Variants in NRXN1 observed in about 807,000 individuals in gnomAD.
NRXN1 encodes the protein neurexin 1.
Under a neutral mutation model 150.9 loss-of-function variants are expected in NRXN1, and 39 were observed. That is an observed-to-expected ratio of 0.26 (90% CI 0.20 to 0.34). The LOEUF is 0.34. NRXN1 is among the 10% of genes least tolerant of loss of function. The pLI is 1.00. For synonymous variants in NRXN1, 924 were observed against 757.0 expected (o/e 1.22, Z -3.62); for missense variants, 1,815 against 1,949.9 (o/e 0.93, Z 1.30).
intron 8 of NRXN1, among the ~76,000 whole-genome samples, chr2:50,593,086 AT>A (rs1256510873): frequency 6.6e-6 from 1 of 152,216 alleles, no homozygotes; most frequent in Non-Finnish European, 1.5e-5. Context: ...ACAAAATGAA[AT>A]TCTCCCAGAT....
At chr2:50,172,533 T>A (rs2060095873) in intron 18 of NRXN1, among the ~76,000 whole-genome samples, 1 of 151,758 alleles carries the variant, frequency 6.6e-6, no homozygotes, top group African/African-American at 2.4e-5. Context: ...ACCCCACAAC[T>A]CCAAAAAAGA....
At chr2:50,743,694 A>T (rs1161629219) in intron 5 of NRXN1, among the ~76,000 whole-genome samples, 2 of 152,120 alleles carry the variant, frequency 1.3e-5, no homozygotes, top group Admixed American at 1.3e-4. Flanking sequence ...GATCTTTTAA[A>T]CCCTCACTAC....
chr2:50,734,899 T>A (rs1001660428), intron 5 of NRXN1, among the ~76,000 whole-genome samples: 1 of 152,122 alleles, frequency 6.6e-6, no homozygotes, highest in African/African-American at 2.4e-5. Flanking sequence ...TATCCAAATG[T>A]CAACGAACAA....
At chr2:50,852,307 A>T (rs1674634922) in intron 5 of NRXN1, among the ~76,000 whole-genome samples, 1 of 152,196 alleles carries the variant, frequency 6.6e-6, no homozygotes, top group African/African-American at 2.4e-5. Flanking sequence ...CAAAAAAGGC[A>T]AGAGGGAAAC....
intron 18 of NRXN1, among the ~76,000 whole-genome samples, chr2:50,206,883 T>TAC (rs367944282): frequency 0.025 from 3,773 of 149,598 alleles, 118 homozygotes; most frequent in African/African-American, 0.064. Context: ...AAATGGGCAG[T>TAC]ACACACACAC....
chr2:50,980,954 C>G (rs1696688161), intron 2 of NRXN1, among the ~76,000 whole-genome samples: 1 of 151,988 alleles, frequency 6.6e-6, no homozygotes, highest in Non-Finnish European at 1.5e-5. Context: ...ACAAATTGCC[C>G]TAAACACTTG....
chr2:50,415,357 T>G (rs1272567044), intron 17 of NRXN1, among the ~76,000 whole-genome samples: 2 of 152,148 alleles, frequency 1.3e-5, no homozygotes, highest in Non-Finnish European at 2.9e-5. Flanking sequence ...GGTGTATTTT[T>G]TTATGGCTCA....
chr2:50,308,246 A>G (rs2074826185), intron 17 of NRXN1, among the ~76,000 whole-genome samples: 1 of 152,100 alleles, frequency 6.6e-6, no homozygotes, highest in Admixed American at 6.6e-5. Flanking sequence ...ACTTTTACTA[A>G]TATCTCTCCA....
chr2:50,341,489 T>G (rs971927807), intron 17 of NRXN1, among the ~76,000 whole-genome samples: 8 of 152,338 alleles, frequency 5.3e-5, no homozygotes, highest in African/African-American at 1.9e-4. Context: ...GTATTTTCAT[T>G]TTATAAATGG....
At chr2:50,106,480 A>G (rs548705330) in intron 18 of NRXN1, among the ~76,000 whole-genome samples, 11 of 152,176 alleles carry the variant, frequency 7.2e-5, no homozygotes, top group South Asian at 2.1e-4. Flanking sequence ...GCAATTAGCA[A>G]TTAACAAGTA....
rs2074218340 is a variant in NRXN1 at position 50,302,207 on chromosome 2, T to A, written c.3365-65237A>T. 1.3e-5 allele frequency among the ~76,000 whole-genome samples: 2 copies of A among 152,184 alleles called. 1 individual carries two copies. The highest frequency in any genetic ancestry group is 4.1e-4 in the South Asian group (2 of 4,830). Reference sequence around the variant, plus strand: ...GGCCATCTCTTTGAGATTTTTTTCTTCTTTCCCCAAGTATCAAGGAATGAA... The same window carrying A: ...GGCCATCTCTTTGAGATTTTTTTCTACTTTCCCCAAGTATCAAGGAATGAA... On this transcript the variant is annotated intron_variant, in intron 17 of 22. Transcript: ENST00000401669.
At chr2:50,943,644 T>C (rs1689850557) in intron 2 of NRXN1, among the ~76,000 whole-genome samples, 1 of 152,180 alleles carries the variant, frequency 6.6e-6, no homozygotes, top group African/African-American at 2.4e-5. Context: ...CTTGTAGATC[T>C]TGATGAGAAG....
chr2:50,871,704 C>T (rs1236826848), intron 5 of NRXN1, among the ~76,000 whole-genome samples: 1 of 151,532 alleles, frequency 6.6e-6, no homozygotes, highest in Non-Finnish European at 1.5e-5. Context: ...CGAGGGGTCA[C>T]TAAAAGCATA....
chr2:50,502,911 T>A (rs2092022770), intron 13 of NRXN1, among the ~76,000 whole-genome samples: 1 of 152,080 alleles, frequency 6.6e-6, no homozygotes, highest in Non-Finnish European at 1.5e-5. Context: ...ACCACCCAAA[T>A]CTTGGTCTGT....
At chr2:50,398,440 G>T (rs182014859) in intron 17 of NRXN1, among the ~76,000 whole-genome samples, 1 of 151,932 alleles carries the variant, frequency 6.6e-6, no homozygotes. Context: ...TAAAAGAAAA[G>T]AAAACTGAAA....
intron 18 of NRXN1, among the ~76,000 whole-genome samples, chr2:50,120,665 G>A (rs1703730163): frequency 6.6e-6 from 1 of 152,006 alleles, no homozygotes. Flanking sequence ...GACCTTTACT[G>A]ATTTGATAAT....
chr2:50,119,113 C>A (rs746125630), intron 18 of NRXN1, among the ~76,000 whole-genome samples: 1 of 152,080 alleles, frequency 6.6e-6, no homozygotes, highest in East Asian at 1.9e-4. Flanking sequence ...AAAATCTCTC[C>A]ACATCTTAAG....
intron 5 of NRXN1, among the ~76,000 whole-genome samples, chr2:50,834,833 G>A (rs1671889883): frequency 6.6e-6 from 1 of 152,082 alleles, no homozygotes; most frequent in African/African-American, 2.4e-5. Flanking sequence ...GTGGTGCTGA[G>A]GCAGATGGTC....
At chr2:50,558,317 C>T (rs1318584689) in intron 8 of NRXN1, among the ~76,000 whole-genome samples, 2 of 152,144 alleles carry the variant, frequency 1.3e-5, no homozygotes, top group African/African-American at 4.8e-5. Context: ...ACCTAATGAC[C>T]TTAACCTCAA....
Sources: gnomAD v4.1 joint callset for allele counts (sites outside exome capture counted in the v4.1 genomes callset) on GRCh38, gnomAD v4.1.1 for gene constraint, MANE v1.5 for transcripts, NCBI Gene and HGNC (gene_info 2026-07-23, HGNC 2026-07-21) for gene names.